CLPB: variants seen among roughly 807,000 people sequenced by gnomAD.
CLPB encodes the protein ClpB family mitochondrial disaggregase.
In CLPB, 40 loss-of-function variants were observed where a neutral mutation model predicts 78.4. That is an observed-to-expected ratio of 0.51 (90% CI 0.40 to 0.66). The LOEUF is 0.66. Among genes scored for constraint, CLPB ranks in the 30% least tolerant of loss-of-function variants. The probability of loss-of-function intolerance (pLI) is 0.00; values close to 1 mark genes in which losing one functional copy is unlikely to be tolerated. For missense variants in CLPB, 780 were observed against 886.9 expected, an observed-to-expected ratio of 0.88 and a Z score of 1.53; for synonymous variants, 333 against 348.0, an observed-to-expected ratio of 0.96 and a Z score of 0.48.
chr11:72,301,711 C>T, intron 11 of CLPB, 92 bp downstream of exon 11: 1 of 1,381,260 alleles, frequency 7.2e-7, no homozygotes, highest in Non-Finnish European at 9.9e-7. Flanking sequence ...CGAGGAATGA[C>T]CAGCTAGCCT....
chr11:72,346,921 C>T (rs1316535451), intron 5 of CLPB, among the ~76,000 whole-genome samples: 1 of 143,200 alleles, frequency 7.0e-6, no homozygotes, highest in Non-Finnish European at 1.5e-5. Flanking sequence ...ACGGAGGTTG[C>T]GATGAGCCGA....
intron 2 of CLPB, among the ~76,000 whole-genome samples, chr11:72,416,762 AGAAT>A (rs1429976198): frequency 2.6e-5 from 4 of 152,004 alleles, no homozygotes; most frequent in Admixed American, 6.6e-5. Flanking sequence ...AAAAGAAAAA[AGAAT>A]GAATAAATGC....
At chr11:72,380,406 G>C (rs1189703674) in intron 3 of CLPB, 22 bp from the exon 4 acceptor site, 16 of 1,603,380 alleles carry the variant, frequency 1.0e-5, no homozygotes, top group Non-Finnish European at 1.4e-5. Flanking sequence ...CACAAAGACA[G>C]AAGTGTCAAA....
intron 2 of CLPB, among the ~76,000 whole-genome samples, chr11:72,407,198 G>A (rs186029987): frequency 3.3e-5 from 5 of 152,262 alleles, no homozygotes; most frequent in Middle Eastern, 3.4e-3. Flanking sequence ...AAATCACTGG[G>A]TCCTACAGTA....
chr11:72,426,370 C>T (rs1856374645), intron 2 of CLPB, among the ~76,000 whole-genome samples: 1 of 152,198 alleles, frequency 6.6e-6, no homozygotes, highest in Non-Finnish European at 1.5e-5. Context: ...CTGCCTTGTG[C>T]CCTAGGTTTC....
At position 72,434,171 on chromosome 11, in the gene CLPB, C is replaced by A; in HGVS notation, c.304G>T (p.Asp102Tyr). ...CTGCTGGGGACCCCGTTCCAGCTGT[C>A]CTGTCCTGGGAGTGTTTCTTCGGGA... is the stretch of plus-strand genomic sequence containing the variant. The part of the protein sequence containing the change: ...PGPEETLPGQ[D>Y]SWNGVPSRAG... Residue 102 changes from aspartate (D) to tyrosine (Y), a missense_variant, in exon 1 of 16, where the codon GAC becomes TAC. By Grantham distance (160) the Asp-to-Tyr change is radical. Transcript: ENST00000538039. 6.2e-7 allele frequency: 1 copy of A among 1,613,268 alleles called. No individual in the cohort carries two copies. The highest frequency in any genetic ancestry group is 8.5e-7 in the Non-Finnish European group (1 of 1,180,016).
chr11:72,382,749 A>G (rs1854954532), intron 3 of CLPB, among the ~76,000 whole-genome samples: 1 of 152,300 alleles, frequency 6.6e-6, no homozygotes, highest in African/African-American at 2.4e-5. Flanking sequence ...CAAAGACTGG[A>G]TAAGTTCCTA....
chr11:72,346,963 G>A (rs1419467270), intron 5 of CLPB, among the ~76,000 whole-genome samples: 5 of 128,880 alleles, frequency 3.9e-5, no homozygotes, highest in South Asian at 2.5e-4. Flanking sequence ...CCTGGGTGAC[G>A]AGAGCAAAAT....
At position 72,295,493 on chromosome 11, in the gene CLPB, C is replaced by T. The variant is rs1949534031; in HGVS notation, c.1485G>A (p.Leu495=). 1 of 1,613,906 alleles carries T rather than the reference C, an allele frequency of 6.2e-7. No individual in the cohort carries two copies. Among genetic ancestry groups the T allele is most frequent in the Non-Finnish European group, 8.5e-7 (1 of 1,179,792 alleles). Residue 495 remains leucine, a splice_region_variant and synonymous_variant, in exon 12 of 16, where the codon CTG becomes CTA. Coordinates refer to ENST00000538039, the MANE Select transcript of CLPB (RefSeq NM_001258392.3). ...GACTGCTCAGGTCAGCCGCCATACC[C>T]AGGTTTTCGGCAATACGGTTACGGC... The part of the protein sequence containing the change: ...EMSRNRIAEN[L]GDVQISDKIT...
At position 72,434,279 on chromosome 11, in the gene CLPB, G is replaced by A; in HGVS notation, c.196C>T (p.Arg66Cys). The change falls in exon 1 of 16, where the codon CGT becomes TGT. Residue 66 changes from arginine to cysteine, a missense_variant. Arg to Cys is a radical substitution (Grantham distance 180, BLOSUM62 -3). This residue lies in a region of CLPB where 417 missense variants were observed against 414.7 expected (regional missense o/e 1.01). Coordinates refer to ENST00000538039, the MANE Select transcript of CLPB (RefSeq NM_001258392.3). ...TGGCGCCCCCCGGTGGCTGCCCCAC[G>A]TCCGGAGAACAAGGCCGGCGATGTT... ...PGTSPALFSG[R>C]GAATGGRQGG... The A allele has an allele frequency of 6.2e-7, 1 of 1,612,890 alleles. No homozygotes were observed. Among genetic ancestry groups the A allele is most frequent in the Non-Finnish European group, 8.5e-7 (1 of 1,179,784 alleles).
chr11:72,362,744 T>G (rs1428471092), intron 4 of CLPB, among the ~76,000 whole-genome samples: 2 of 152,180 alleles, frequency 1.3e-5, no homozygotes, highest in Non-Finnish European at 2.9e-5. Context: ...ATATAGTAGC[T>G]CTCAATAAAT....
chr11:72,324,035 A>G (rs1007850545), intron 6 of CLPB, among the ~76,000 whole-genome samples: 11 of 152,116 alleles, frequency 7.2e-5, no homozygotes, highest in African/African-American at 2.7e-4. Context: ...AATCTAGATG[A>G]AGGATTTATA....
chr11:72,301,990 G>C, intron 10 of CLPB, 26 bp from the exon 11 acceptor site: 6 of 1,611,186 alleles, frequency 3.7e-6, no homozygotes, highest in Non-Finnish European at 5.1e-6. Flanking sequence ...AAACATGCTA[G>C]GAAGGCCTTT....
chr11:72,314,862 C>T (rs1949913429), intron 7 of CLPB, among the ~76,000 whole-genome samples: 1 of 152,082 alleles, frequency 6.6e-6, no homozygotes, highest in South Asian at 2.1e-4. Flanking sequence ...CTGGTGCATG[C>T]AGCACAAAGC....
chr11:72,297,639 GTGTGTGTGTGTGTGT>G (rs1949576036), intron 11 of CLPB, among the ~76,000 whole-genome samples: 2 of 21,772 alleles, frequency 9.2e-5, no homozygotes, highest in East Asian at 1.8e-3. Context: ...GGGACCAGGT[GTGTGTGTGTGTGTGT>G]GTGTGTGTGT....
rs1160289867 is a variant in CLPB at position 72,285,582 on chromosome 11, A to G, written c.*7785T>C. The G allele has an allele frequency of 1.3e-5, 2 of 152,166 alleles. No individual in the cohort carries two copies. The highest frequency in any genetic ancestry group is 2.9e-5 in the Non-Finnish European group (2 of 68,028). The allele number at this position is 152,166 out of a possible 1,614,324, so 9.4% of individuals were successfully genotyped here. ...ATTAAATCATCCTTTCTAAAACTTG[A>G]TGTTTTTTCACTTGTCAGGTCTTAT... On this transcript the variant is annotated 3_prime_UTR_variant, in exon 16 of 16. Transcript: ENST00000538039.
chr11:72,430,597 A>T (rs1856516463), intron 1 of CLPB: 2 of 524,898 alleles, frequency 3.8e-6, no homozygotes, highest in Non-Finnish European at 6.8e-6. Flanking sequence ...CACTCCTCTC[A>T]TCATAGAGGG....
At chr11:72,307,151 G>A (rs1205857338) in intron 9 of CLPB, 48 bp downstream of exon 9, 6 of 1,539,684 alleles carry the variant, frequency 3.9e-6, no homozygotes, top group South Asian at 1.1e-5. Context: ...TAGCAGGAAT[G>A]GTGAGGTCTC....
intron 7 of CLPB, among the ~76,000 whole-genome samples, chr11:72,316,376 G>A (rs1367904196): frequency 2.0e-5 from 3 of 152,178 alleles, no homozygotes; most frequent in Non-Finnish European, 4.4e-5. Context: ...CCTGGCCTGG[G>A]GTTCCTCTTC....
Sources: allele counts gnomAD v4.1 joint callset (sites outside exome capture counted in the v4.1 genomes callset), GRCh38; gene constraint gnomAD v4.1.1; regional missense constraint gnomAD v4.1.1; transcripts MANE v1.5; gene names NCBI Gene and HGNC (gene_info 2026-07-23, HGNC 2026-07-21).